Variants in ASPH observed in about 807,000 individuals in gnomAD.
The protein encoded by ASPH is aspartate beta-hydroxylase, also known as aspartyl/asparaginyl beta-hydroxylase.
Under a neutral mutation model 118.4 loss-of-function variants are expected in ASPH, and 100 were observed. That is an observed-to-expected ratio of 0.84 (90% CI 0.72 to 1.00). The LOEUF is 1.00. ASPH is among the 50% of genes least tolerant of loss of function. The pLI is 0.00. For synonymous variants in ASPH, 315 were observed against 325.6 expected (o/e 0.97, Z 0.35); for missense variants, 920 against 919.5 (o/e 1.00, Z -0.01).
chr8:61,593,325 A>G (rs2133089193), intron 14 of ASPH, among the ~76,000 whole-genome samples: 1 of 152,318 alleles, frequency 6.6e-6, no homozygotes, highest in African/African-American at 2.4e-5. Flanking sequence ...CAGAAGAAGA[A>G]GTAAATTTGG....
chr8:61,607,270 G>A (rs1485128783), intron 14 of ASPH: 3 of 702,286 alleles, frequency 4.3e-6, no homozygotes, highest in Non-Finnish European at 7.8e-6. Context: ...GATGGCTGAA[G>A]TCCCAGGACA....
intron 23 of ASPH, 115 bp downstream of exon 23, chr8:61,517,917 C>A: frequency 8.5e-7 from 1 of 1,180,828 alleles, no homozygotes; most frequent in Admixed American, 2.2e-5. Context: ...GTAAAAAGGG[C>A]ATGTAAAAAG....
intron 7 of ASPH, among the ~76,000 whole-genome samples, chr8:61,644,375 C>CG (rs1448759372): frequency 6.6e-6 from 1 of 152,164 alleles, no homozygotes; most frequent in African/African-American, 2.4e-5. Context: ...ATCTTTTGAA[C>CG]TAGTAATCCT....
intron 21 of ASPH, among the ~76,000 whole-genome samples, chr8:61,529,098 C>T (rs906373317): frequency 4.5e-4 from 68 of 152,154 alleles, no homozygotes; most frequent in African/African-American, 1.5e-3. Context: ...GAAATGACTC[C>T]TTGTGTGGTT....
At chr8:61,685,506 A>G (rs1830118423) in intron 1 of ASPH, among the ~76,000 whole-genome samples, 1 of 151,956 alleles carries the variant, frequency 6.6e-6, no homozygotes, top group Admixed American at 6.6e-5. Flanking sequence ...ATTTCAAAAA[A>G]CCCCACTAGC....
rs1589384993 is a variant in ASPH at position 61,711,278 on chromosome 8, A to G, written c.103+2991T>C. Among the ~76,000 whole-genome samples, 7 of 152,320 alleles carry G rather than the reference A, an allele frequency of 4.6e-5. No individual in the cohort carries two copies. In the South Asian group the frequency reaches 1.5e-3, roughly 32 times the overall value. The stretch of plus-strand genomic sequence containing the variant: ...AAAGGGAAAAACTAAACAAACAAAC[A>G]GAAAACATTACACATACGAGTGTCT... On this transcript the variant is annotated intron_variant, in intron 1 of 24. Transcript: ENST00000379454.
At chr8:61,571,788 C>A (rs1370025564) in intron 16 of ASPH, among the ~76,000 whole-genome samples, 1 of 152,144 alleles carries the variant, frequency 6.6e-6, no homozygotes, top group Non-Finnish European at 1.5e-5. Flanking sequence ...TTTGCATAAA[C>A]CATTTCTCTC....
chr8:61,638,993 G>GT (rs765475867), intron 10 of ASPH, among the ~76,000 whole-genome samples: 2 of 152,172 alleles, frequency 1.3e-5, no homozygotes, highest in Non-Finnish European at 2.9e-5. Context: ...CAGCATGGTT[G>GT]TAAGTTTATT....
intron 21 of ASPH, among the ~76,000 whole-genome samples, chr8:61,531,636 A>G (rs542986487): frequency 5.3e-5 from 8 of 152,200 alleles, no homozygotes; most frequent in African/African-American, 1.9e-4. Flanking sequence ...ATATATATCA[A>G]TGAGTTGATA....
intron 1 of ASPH, chr8:61,689,587 T>C: frequency 1.5e-6 from 2 of 1,367,808 alleles, no homozygotes; most frequent in Non-Finnish European, 2.0e-6. Context: ...TAGCCAAAAA[T>C]ATTTTAACAG....
intron 22 of ASPH, among the ~76,000 whole-genome samples, chr8:61,522,728 C>T (rs561257323): frequency 6.6e-6 from 1 of 152,312 alleles, no homozygotes; most frequent in Admixed American, 6.5e-5. Flanking sequence ...GAGGCCTCCC[C>T]AGTCATGTGG....
At chr8:61,577,422 A>AAAAG (rs1449376866) in intron 15 of ASPH, among the ~76,000 whole-genome samples, 4 of 147,532 alleles carry the variant, frequency 2.7e-5, no homozygotes, top group African/African-American at 1.0e-4. Context: ...AAAAAAAAAA[A>AAAAG]AGACAAGACA....
At chr8:61,663,143 T>C in intron 3 of ASPH, 1 of 985,422 alleles carries the variant, frequency 1.0e-6, no homozygotes, top group Non-Finnish European at 1.2e-6. Flanking sequence ...GAGAATCGTG[T>C]AACTTTCATA....
At chr8:61,693,391 C>G (rs1210911912) in intron 1 of ASPH, among the ~76,000 whole-genome samples, 2 of 152,188 alleles carry the variant, frequency 1.3e-5, no homozygotes, top group African/African-American at 2.4e-5. Context: ...TTGGCTCCAT[C>G]ATAATGACTG....
chr8:61,576,620 T>C (rs190708255), intron 16 of ASPH, 152 bp downstream of exon 16: 63 of 587,022 alleles, frequency 1.1e-4, no homozygotes, highest in Admixed American at 3.3e-4. Flanking sequence ...CAGCATGCAA[T>C]AGTGATAATT....
rs77812391 is a variant in ASPH, at chr8:61,634,277, T to A, written c.890-550A>T. Among the ~76,000 whole-genome samples, 1,454 of 152,344 alleles carry A rather than the reference T, an allele frequency of 9.5e-3. 10 individuals carry two copies. Among genetic ancestry groups the A allele is most frequent in the South Asian group, 0.014 (70 of 4,828 alleles). The stretch of plus-strand genomic sequence containing the variant: ...ACCCAGTGATTTAAAGACATAGTGA[T>A]CTGATTTGCTCCATGAAATTACATC... On this transcript the variant is annotated intron_variant, in intron 12 of 24. Coordinates refer to ENST00000379454, the MANE Select transcript of ASPH (RefSeq NM_004318.4).
chr8:61,623,371 G>A (rs1851634280), intron 13 of ASPH, among the ~76,000 whole-genome samples: 1 of 152,080 alleles, frequency 6.6e-6, no homozygotes. Flanking sequence ...CAGATCTCTT[G>A]CCCATTTTAA....
rs1303958825 is a variant in ASPH, at chr8:61,676,182, C to G, written c.322+4786G>C. 3 of 1,599,094 alleles carry G rather than the reference C, an allele frequency of 1.9e-6. No homozygotes were observed. In the East Asian group the frequency reaches 6.7e-5, roughly 36 times the overall value. On this transcript the variant is annotated intron_variant, in intron 3 of 24. Transcript: ENST00000379454. Reference sequence around the variant, plus strand: ...GTTTCGCTTTCTTCTTCTTCTTCTTCTAGCATTTCAAAAGGAGTCATTATA... The same window carrying G: ...GTTTCGCTTTCTTCTTCTTCTTCTTGTAGCATTTCAAAAGGAGTCATTATA...
At position 61,540,373 on chromosome 8, in the gene ASPH, T is replaced by C. The variant is rs564522406; in HGVS notation, c.1764+7698A>G. ...GTGATAGTGAATGAGTTCTTGGAGATCTGGTCGTTTACATGTATGTAACAC... is the reference window on the plus strand; with the variant it reads ...GTGATAGTGAATGAGTTCTTGGAGACCTGGTCGTTTACATGTATGTAACAC... On this transcript the variant is annotated intron_variant, in intron 21 of 24. Coordinates refer to ENST00000379454, the MANE Select transcript of ASPH (RefSeq NM_004318.4). Among the ~76,000 whole-genome samples, 10 of 152,272 alleles carry C rather than the reference T, an allele frequency of 6.6e-5. No individual in the cohort carries two copies. The South Asian group carries it at 1.9e-3, about 28-fold the overall frequency.
Sources: allele counts gnomAD v4.1 joint callset (sites outside exome capture counted in the v4.1 genomes callset), GRCh38; gene constraint gnomAD v4.1.1; transcripts MANE v1.5; gene names NCBI Gene and HGNC (gene_info 2026-07-23, HGNC 2026-07-21).